The following CHD1L variants were observed in gnomAD, a reference collection of about 807,000 sequenced individuals.
CHD1L encodes ATP-dependent chromatin remodeler CHD1L.
In CHD1L, 118 loss-of-function variants were observed where a neutral mutation model predicts 115.9. The observed-to-expected ratio is 1.02, with a 90% CI of 0.88 to 1.19. The LOEUF (loss-of-function observed/expected upper bound fraction) is 1.19. CHD1L is among the 50% of genes most tolerant of loss of function. The pLI, the probability that CHD1L is intolerant of heterozygous loss-of-function variation, is 0.00. For synonymous variants in CHD1L, 411 were observed against 387.1 expected (o/e 1.06, Z -0.72); for missense variants, 1,179 against 1,065.3 (o/e 1.11, Z -1.49).
In CHD1L at chr1:147,286,440, A is replaced by C. The variant is rs587733205; in HGVS notation, c.2161A>C (p.Ser721Arg). 2.7e-4 allele frequency: 443 copies of C among 1,614,142 alleles called. 8 individuals carry two copies. In the South Asian group the frequency reaches 4.5e-3, roughly 16 times the overall value. ...AGATGCTACTTCCCTCAAGTACGTT[A>C]GTGGTGATGTCACCCACCCTCAGGC... is the stretch of plus-strand genomic sequence containing the variant. ...DPDATSLKYV[S>R]GDVTHPQAGA... Residue 721 changes from serine to arginine, a missense_variant, in exon 18 of 23, where the codon AGT becomes CGT. By Grantham distance (110) the Ser-to-Arg change is moderately radical (BLOSUM62 -1). Coordinates refer to ENST00000369258, the MANE Select transcript of CHD1L (RefSeq NM_004284.6).
chr1:147,233,341 T>C, the CHD1L span, among the ~76,000 whole-genome samples: 2 of 120,342 alleles, frequency 1.7e-5, no homozygotes, highest in African/African-American at 6.7e-5. Flanking sequence ...GATCAGCCCC[T>C]GCCAGGCCAG....
intron 14 of CHD1L, among the ~76,000 whole-genome samples, chr1:147,277,183 T>G (rs1363110212): frequency 6.6e-6 from 1 of 151,968 alleles, no homozygotes; most frequent in Non-Finnish European, 1.5e-5. Context: ...GAGTGTGCAG[T>G]AAAAATACAA....
chr1:147,199,907 G>A, the CHD1L span, among the ~76,000 whole-genome samples: 1 of 152,116 alleles, frequency 6.6e-6, no homozygotes, highest in African/African-American at 2.4e-5. Flanking sequence ...CAGGAACTCT[G>A]AGTAGTTTTA....
the CHD1L span, chr1:147,186,586 A>C: frequency 9.5e-7 from 1 of 1,051,886 alleles, no homozygotes; most frequent in Non-Finnish European, 1.1e-6. Context: ...GATAAACAAC[A>C]AACATTTATT....
the CHD1L span, among the ~76,000 whole-genome samples, chr1:147,228,649 C>T: frequency 6.6e-6 from 1 of 152,190 alleles, no homozygotes; most frequent in Non-Finnish European, 1.5e-5. Context: ...GTTCCTATTT[C>T]TCCACATCCT....
the CHD1L span, among the ~76,000 whole-genome samples, chr1:147,229,334 T>A: frequency 5.9e-5 from 9 of 152,298 alleles, no homozygotes; most frequent in East Asian, 1.4e-3. Flanking sequence ...TGCGGCATTA[T>A]TTCTGAGGGC....
At chr1:147,225,066 C>T in the CHD1L span, 3 of 1,613,426 alleles carry the variant, frequency 1.9e-6, no homozygotes, top group Middle Eastern at 1.6e-4. Flanking sequence ...TGTCGCCTGT[C>T]CTAAAGAAAG....
chr1:147,186,946 A>C, the CHD1L span: 3 of 1,614,060 alleles, frequency 1.9e-6, no homozygotes, highest in African/African-American at 4.0e-5. Context: ...AGCTAGCATA[A>C]ACTTGCCTAT....
chr1:147,254,735 G>A lies in CHD1L; in HGVS notation c.241-135G>A, dbSNP rs587650548. Reference sequence around the variant, plus strand: ...CGAATGGATTACTCCCCTGATATGCGGAAGTTCGTACAATATTTCTTTGTA... The same window carrying A: ...CGAATGGATTACTCCCCTGATATGCAGAAGTTCGTACAATATTTCTTTGTA... On this transcript the variant is annotated intron_variant, in intron 2 of 22. Transcript: ENST00000369258. The A allele has an allele frequency of 4.7e-4, 246 of 526,966 alleles. 3 individuals carry two copies. In the South Asian group the frequency reaches 8.9e-3, roughly 19 times the overall value. The allele number at this position is 526,966 out of a possible 1,614,324, so 32.6% of individuals were successfully genotyped here.
intron 1 of CHD1L, among the ~76,000 whole-genome samples, chr1:147,248,998 AT>A (rs1342981546): frequency 6.6e-6 from 1 of 152,188 alleles, no homozygotes; most frequent in Non-Finnish European, 1.5e-5. Flanking sequence ...AGGAAAACCT[AT>A]TGTATTTACA....
chr1:147,232,531 G>T, the CHD1L span, among the ~76,000 whole-genome samples: 1 of 151,770 alleles, frequency 6.6e-6, no homozygotes, highest in Admixed American at 6.6e-5. Context: ...TCTTTCCATG[G>T]TCTCCCTGTG....
the CHD1L span, chr1:147,204,315 T>G: frequency 1.0e-6 from 1 of 965,458 alleles, no homozygotes; most frequent in East Asian, 2.4e-5. Flanking sequence ...AGCCCAGAAT[T>G]TTACAAACTC....
chr1:147,186,148 A>C, the CHD1L span: 1 of 176,630 alleles, frequency 5.7e-6, no homozygotes, highest in Non-Finnish European at 1.1e-5. Context: ...TATGGGAAGG[A>C]TTTAAAAGAG....
the CHD1L span, among the ~76,000 whole-genome samples, chr1:147,228,624 C>T: frequency 6.6e-6 from 1 of 152,060 alleles, no homozygotes; most frequent in African/African-American, 2.4e-5. Context: ...ACAGTCCCAC[C>T]AACAGTGTAA....
chr1:147,222,733 C>T, the CHD1L span, among the ~76,000 whole-genome samples: 2 of 152,232 alleles, frequency 1.3e-5, no homozygotes, highest in African/African-American at 4.8e-5. Context: ...TAAAATTTTG[C>T]CAAGTGGATA....
chr1:147,200,811 A>T, the CHD1L span, among the ~76,000 whole-genome samples: 1 of 152,192 alleles, frequency 6.6e-6, no homozygotes, highest in African/African-American at 2.4e-5. Flanking sequence ...AGTTGCCTAA[A>T]ATCTAGATGA....
In CHD1L at chr1:147,276,166, CA is replaced by C. The variant is rs1678371051; in HGVS notation, c.1449del (p.Ala484ProfsTer9). On this transcript the variant is annotated frameshift_variant, in exon 14 of 23. Transcript: ENST00000369258. LOFTEE classifies it high-confidence loss of function. ...DTVEEIVYRKAASKLQLTNMI... is the reference protein window; with the variant it reads ...DTVEEIVYRKXASKLQLTNMI... ...GTGGAAGAAATAGTCTATAGGAAAG[CA>C]GCCTCCAAACTGCAGCTCACCAACA... 1.9e-6 allele frequency: 3 copies of C among 1,614,202 alleles called. No individual in the cohort carries two copies. The East Asian group carries it at 6.7e-5, about 36-fold the overall frequency.
chr1:147,279,910 C>T (rs782818087), intron 14 of CHD1L, 116 bp from the exon 15 acceptor site: 4 of 1,011,788 alleles, frequency 4.0e-6, no homozygotes, highest in Non-Finnish European at 5.9e-6. Context: ...AGAAAGGCTG[C>T]CTGTTCATTA....
At chr1:147,173,255 C>G in the CHD1L span, 2 of 156,148 alleles carry the variant, frequency 1.3e-5, no homozygotes, top group African/African-American at 4.8e-5. Context: ...GAGCCGAGAT[C>G]GCGCCATTGC....
Sources: gnomAD v4.1 joint callset for allele counts (sites outside exome capture counted in the v4.1 genomes callset) on GRCh38, gnomAD v4.1.1 for gene constraint, MANE v1.5 for transcripts, NCBI Gene and HGNC (gene_info 2026-07-23, HGNC 2026-07-21) for gene names.